PLCE1: variants seen among roughly 807,000 people sequenced by gnomAD.
The protein encoded by PLCE1 is 1-phosphatidylinositol 4,5-bisphosphate phosphodiesterase epsilon-1.
A neutral mutation model predicts 242.8 loss-of-function variants in PLCE1; 119 were observed. That is an observed-to-expected ratio of 0.49 (90% CI 0.42 to 0.57). PLCE1 has a LOEUF of 0.57. PLCE1 is among the 20% of genes least tolerant of loss of function. PLCE1 has a pLI of 0.00. For synonymous variants in PLCE1, 945 were observed against 1,017.4 expected, an observed-to-expected ratio of 0.93 and a Z score of 1.35; for missense variants, 2,441 against 2,788.8, an observed-to-expected ratio of 0.88 and a Z score of 2.81.
chr10:94,285,022 C>G, intron 22 of PLCE1, 57 bp downstream of exon 22: 1 of 988,774 alleles, frequency 1.0e-6, no homozygotes, highest in South Asian at 1.3e-5. Context: ...TAAAAATATG[C>G]CATTTATTTA....
At chr10:94,303,000 A>G (rs2053088922) in intron 24 of PLCE1, among the ~76,000 whole-genome samples, 1 of 152,226 alleles carries the variant, frequency 6.6e-6, no homozygotes, top group Non-Finnish European at 1.5e-5. Flanking sequence ...CAGGTGAGGC[A>G]GCATGGCCAC....
rs771177637 is a variant in PLCE1 at position 94,031,371 on chromosome 10, A to T, written c.325A>T (p.Ile109Leu). 1.2e-6 allele frequency: 2 copies of T among 1,613,888 alleles called. No individual in the cohort carries two copies. The highest frequency in any genetic ancestry group is 1.1e-5 in the South Asian group (1 of 91,078). The change falls in exon 2 of 33, where the codon ATA (isoleucine) becomes TTA (leucine). Residue 109 changes from isoleucine (I) to leucine (L), a missense_variant. Ile to Leu is a conservative substitution (Grantham distance 5). This residue lies in a region of PLCE1 where 393 missense variants were observed against 378.5 expected (regional missense o/e 1.04). Coordinates refer to ENST00000371380, the MANE Select transcript of PLCE1 (RefSeq NM_016341.4). ...AAACCTTAACATTAACTGCAACAAC[A>T]TATTGAGAAACCATCAGCATGGCCT... ...AKNLNINCNN[I>L]LRNHQHGLPQ... is the part of the protein sequence containing the mutation.
At chr10:94,264,304 A>G (rs538835664) in intron 14 of PLCE1, among the ~76,000 whole-genome samples, 8 of 152,174 alleles carry the variant, frequency 5.3e-5, no homozygotes, top group Admixed American at 4.6e-4. Flanking sequence ...AGACCAAGAC[A>G]GCAGCAAGCT....
At chr10:94,304,366 A>T (rs2053134452) in intron 24 of PLCE1, 116 bp from the exon 25 acceptor site, 2 of 933,906 alleles carry the variant, frequency 2.1e-6, no homozygotes, top group Non-Finnish European at 3.5e-6. Flanking sequence ...TCTCTTTTTC[A>T]TGCTGGAGCT....
chr10:94,011,256 A>G (rs1171114176), intron 1 of PLCE1, among the ~76,000 whole-genome samples: 1 of 152,282 alleles, frequency 6.6e-6, no homozygotes. Flanking sequence ...GACAGAGAGA[A>G]GGGGGAGGTT....
chr10:94,190,337 T>C (rs2048620458), intron 4 of PLCE1, among the ~76,000 whole-genome samples: 1 of 152,136 alleles, frequency 6.6e-6, no homozygotes, highest in African/African-American at 2.4e-5. Context: ...GGCTGGGCAC[T>C]GTGGCTCATG....
chr10:94,141,061 G>A (rs1161961997), intron 3 of PLCE1, among the ~76,000 whole-genome samples: 1 of 152,186 alleles, frequency 6.6e-6, no homozygotes, highest in Non-Finnish European at 1.5e-5. Flanking sequence ...TACTGAAGGA[G>A]CCCTTACCAC....
intron 2 of PLCE1, among the ~76,000 whole-genome samples, chr10:94,123,879 T>C (rs906063693): frequency 1.3e-5 from 2 of 152,136 alleles, no homozygotes; most frequent in African/African-American, 2.4e-5. Flanking sequence ...TAAATGTCAT[T>C]GTTTTTCTAG....
intron 2 of PLCE1, among the ~76,000 whole-genome samples, chr10:94,040,396 C>T (rs919505192): frequency 2.0e-5 from 3 of 152,130 alleles, no homozygotes; most frequent in African/African-American, 7.2e-5. Flanking sequence ...AAACTCTGCA[C>T]CCCAGAGCAG....
At chr10:94,211,400 C>T (rs1251740348) in intron 4 of PLCE1, among the ~76,000 whole-genome samples, 2 of 152,226 alleles carry the variant, frequency 1.3e-5, no homozygotes, top group East Asian at 1.9e-4. Flanking sequence ...TCAGCATTAC[C>T]ACTCACTAAC....
chr10:94,268,394 C>T (rs1252094485), intron 16 of PLCE1, among the ~76,000 whole-genome samples: 1 of 152,206 alleles, frequency 6.6e-6, no homozygotes, highest in Non-Finnish European at 1.5e-5. Context: ...TCCTTGATAA[C>T]TCTGCTTCCA....
intron 2 of PLCE1, chr10:94,105,958 A>G (rs942206425): frequency 1.3e-5 from 2 of 152,158 alleles, no homozygotes; most frequent in African/African-American, 4.8e-5. Flanking sequence ...ACAAACCTAT[A>G]AGGTTGGTAC....
At chr10:94,123,668 TAC>T (rs1490084758) in intron 2 of PLCE1, among the ~76,000 whole-genome samples, 7 of 152,232 alleles carry the variant, frequency 4.6e-5, no homozygotes, top group Admixed American at 2.6e-4. Flanking sequence ...GCATTTTGTT[TAC>T]ACACAGACAC....
At chr10:94,034,202 C>T (rs1472384358) in intron 2 of PLCE1, among the ~76,000 whole-genome samples, 1 of 152,174 alleles carries the variant, frequency 6.6e-6, no homozygotes, top group East Asian at 1.9e-4. Flanking sequence ...ATTCAATTAT[C>T]TCCACCTGGC....
intron 2 of PLCE1, among the ~76,000 whole-genome samples, chr10:94,072,279 GT>G (rs201205609): frequency 2.7e-5 from 4 of 150,268 alleles, no homozygotes; most frequent in Non-Finnish European, 5.9e-5. Flanking sequence ...TTTCTTTTTT[GT>G]TTTTTTTGTT....
intron 24 of PLCE1, among the ~76,000 whole-genome samples, chr10:94,300,657 T>TGAGTCTCAACTCA (rs200822358): frequency 0.026 from 3,960 of 152,294 alleles, 74 homozygotes; most frequent in Middle Eastern, 0.068. Context: ...CTTGTTACTC[T>TGAGTCTCAACTCA]GAGTTGAGGC....
At chr10:94,100,851 A>G (rs946263977) in intron 2 of PLCE1, among the ~76,000 whole-genome samples, 6 of 152,176 alleles carry the variant, frequency 3.9e-5, no homozygotes, top group Admixed American at 2.0e-4. Flanking sequence ...AGGGCATACA[A>G]GTTTCTGCAG....
chr10:94,029,484 G>C (rs945380018), intron 1 of PLCE1, among the ~76,000 whole-genome samples: 7 of 152,132 alleles, frequency 4.6e-5, no homozygotes, highest in Admixed American at 1.3e-4. Context: ...TCTGGAAGGA[G>C]GTTTCTGAAA....
In PLCE1 at chr10:94,298,501, G is replaced by T. The variant is rs544095097; in HGVS notation, c.5290G>T (p.Ala1764Ser). ...TCATATCTCGTCGCTGAATGAAAAT[G>T]CCGCCAAACGTCTGTGTCGCAGGTA... ...CYHISSLNEN[A>S]AKRLCRRYSQ... Residue 1764 changes from alanine (A) to serine (S), a missense_variant, in exon 24 of 33, where the codon GCC becomes TCC. Coordinates refer to ENST00000371380, the MANE Select transcript of PLCE1 (RefSeq NM_016341.4). This position sits in a 1 kb window ranked among gnomAD's most constrained non-coding sequence, Gnocchi z 5.2. 6.2e-7 allele frequency: 1 copy of T among 1,614,012 alleles called. No homozygotes were observed. The highest frequency in any genetic ancestry group is 1.3e-5 in the African/African-American group (1 of 74,960).
Sources: gnomAD v4.1 joint callset for allele counts (sites outside exome capture counted in the v4.1 genomes callset) on GRCh38, gnomAD v4.1.1 for gene constraint, gnomAD v4.1.1 regional missense constraint, Gnocchi (gnomAD v3.1) non-coding constraint, MANE v1.5 for transcripts, NCBI Gene and HGNC (gene_info 2026-07-23, HGNC 2026-07-21) for gene names.